The following SAMD4A variants were observed in gnomAD, a reference collection of about 807,000 sequenced individuals.
The protein encoded by SAMD4A is protein Smaug homolog 1.
In SAMD4A, 33 loss-of-function variants were observed where a neutral mutation model predicts 81.3. That is an observed-to-expected ratio of 0.41 (90% CI 0.31 to 0.54). The LOEUF is 0.54. Ranked by LOEUF, SAMD4A falls within the 20% of genes least tolerant of loss-of-function variation. The pLI is 0.37. For synonymous variants in SAMD4A, 389 were observed against 382.1 expected (o/e 1.02, Z -0.21); for missense variants, 854 against 951.1 (o/e 0.90, Z 1.34).
intron 2 of SAMD4A, among the ~76,000 whole-genome samples, chr14:54,582,147 T>C (rs1160976303): frequency 6.6e-6 from 1 of 152,226 alleles, no homozygotes; most frequent in African/African-American, 2.4e-5. Flanking sequence ...GATTCTGATA[T>C]TAAGCTGCTG....
chr14:54,591,454 A>G (rs891788958), intron 2 of SAMD4A, among the ~76,000 whole-genome samples: 4 of 152,202 alleles, frequency 2.6e-5, no homozygotes, highest in Admixed American at 2.0e-4. Context: ...ATTGGTAGTC[A>G]TCAGAGCCTA....
chr14:54,680,952 C>G (rs1200871793), intron 2 of SAMD4A, among the ~76,000 whole-genome samples: 1 of 152,170 alleles, frequency 6.6e-6, no homozygotes, highest in East Asian at 1.9e-4. Context: ...TTCTGTATTG[C>G]TTTGGAGACA....
chr14:54,568,612 CAG>C (rs1057427625), intron 2 of SAMD4A, among the ~76,000 whole-genome samples: 18 of 148,616 alleles, frequency 1.2e-4, no homozygotes, highest in African/African-American at 4.5e-4. Context: ...TTTTTCCCCA[CAG>C]ATATTCTGGT....
In SAMD4A at chr14:54,619,233, T is replaced by C. The variant is rs933670721; in HGVS notation, c.196+51121T>C. Reference sequence around the variant, plus strand: ...CAAAATCAGTTTCTTAATTCAGATATGGTTGTTATCAAGACTTTGAAAATG... The same window carrying C: ...CAAAATCAGTTTCTTAATTCAGATACGGTTGTTATCAAGACTTTGAAAATG... On this transcript the variant is annotated intron_variant, in intron 2 of 12. Coordinates refer to ENST00000554335, the MANE Select transcript of SAMD4A (RefSeq NM_015589.6). 8.5e-5 allele frequency among the ~76,000 whole-genome samples: 13 copies of C among 152,364 alleles called. No individual in the cohort carries two copies. The East Asian group carries it at 2.3e-3, about 27-fold the overall frequency.
chr14:54,696,386 A>G (rs1193894650), intron 2 of SAMD4A, among the ~76,000 whole-genome samples: 1 of 152,232 alleles, frequency 6.6e-6, no homozygotes. Flanking sequence ...ACATTCTTCC[A>G]AGGAGTCTTT....
At chr14:54,618,180 C>G (rs566196985) in intron 2 of SAMD4A, among the ~76,000 whole-genome samples, 175 of 152,300 alleles carry the variant, frequency 1.1e-3, no homozygotes, top group African/African-American at 3.9e-3. Flanking sequence ...TATGGTATTG[C>G]TGATGTACTT....
intron 2 of SAMD4A, among the ~76,000 whole-genome samples, chr14:54,643,253 A>G (rs1413491551): frequency 1.3e-5 from 2 of 152,184 alleles, no homozygotes; most frequent in East Asian, 1.9e-4. Context: ...CACCTTTCCA[A>G]ATGGTCTTCC....
chr14:54,632,891 A>G (rs904378571), intron 2 of SAMD4A, among the ~76,000 whole-genome samples: 8 of 152,252 alleles, frequency 5.3e-5, no homozygotes, highest in African/African-American at 1.4e-4. Flanking sequence ...GTCACTATGT[A>G]TAGTAATTTA....
intron 2 of SAMD4A, among the ~76,000 whole-genome samples, chr14:54,597,344 G>A (rs531786048): frequency 2.6e-5 from 4 of 151,258 alleles, no homozygotes; most frequent in Admixed American, 6.6e-5. Flanking sequence ...GCATGATCTC[G>A]GCTCACCACA....
intron 2 of SAMD4A, among the ~76,000 whole-genome samples, chr14:54,652,513 G>T (rs2035426291): frequency 6.6e-6 from 1 of 152,134 alleles, no homozygotes; most frequent in African/African-American, 2.4e-5. Context: ...TTCCTTCTCT[G>T]CAGTAACATT....
At chr14:54,724,134 A>G (rs533660749) in intron 3 of SAMD4A, among the ~76,000 whole-genome samples, 2 of 152,268 alleles carry the variant, frequency 1.3e-5, no homozygotes, top group South Asian at 4.1e-4. Context: ...TATTGTAACT[A>G]TTTTCCAGAT....
At chr14:54,687,188 A>G in intron 2 of SAMD4A, 1 of 357,906 alleles carries the variant, frequency 2.8e-6, no homozygotes, top group Non-Finnish European at 5.5e-6. Context: ...TTTTTAGATT[A>G]TCTTCCATTT....
intron 11 of SAMD4A, among the ~76,000 whole-genome samples, chr14:54,783,154 CT>C (rs1305180443): frequency 3.1e-5 from 4 of 129,334 alleles, no homozygotes; most frequent in African/African-American, 1.3e-4. Context: ...TGTCACAAAA[CT>C]TTAAAAAAAA....
chr14:54,583,590 T>C (rs2033535658), intron 2 of SAMD4A, among the ~76,000 whole-genome samples: 1 of 152,252 alleles, frequency 6.6e-6, no homozygotes, highest in South Asian at 2.1e-4. Context: ...TTCTTTGAGC[T>C]GATTTGAGCT....
intron 6 of SAMD4A, 132 bp from the exon 7 acceptor site, chr14:54,760,029 C>T: frequency 1.2e-6 from 1 of 868,946 alleles, no homozygotes; most frequent in Non-Finnish European, 1.8e-6. Flanking sequence ...GGTCCCTTTT[C>T]CCAAAAACGT....
In SAMD4A at chr14:54,776,501, C is replaced by A; in HGVS notation, c.2005C>A (p.His669Asn). Reference sequence around the variant, plus strand: ...CCAGAGGACCCGCTCGCTGCCCGTGCACACTTCCCCACAGAACATGCTGAT... The same window carrying A: ...CCAGAGGACCCGCTCGCTGCCCGTGAACACTTCCCCACAGAACATGCTGAT... ...SVQRTRSLPV[H>N]TSPQNMLMFQ... Residue 669 changes from histidine to asparagine, a missense_variant, in exon 11 of 13, where the codon CAC becomes AAC. His to Asn is a moderately conservative substitution (Grantham distance 68). This residue lies in a region of SAMD4A where 428 missense variants were observed against 471.2 expected (regional missense o/e 0.91). Coordinates refer to ENST00000554335, the MANE Select transcript of SAMD4A (RefSeq NM_015589.6). 1 of 1,592,186 alleles carries A rather than the reference C, an allele frequency of 6.3e-7. No homozygotes were observed. The highest frequency in any genetic ancestry group is 1.7e-4 in the Middle Eastern group (1 of 6,020).
intron 2 of SAMD4A, among the ~76,000 whole-genome samples, chr14:54,598,883 T>C (rs906114313): frequency 2.6e-5 from 4 of 151,812 alleles, no homozygotes; most frequent in Non-Finnish European, 5.9e-5. Flanking sequence ...TACAGTGGTG[T>C]GATTTCAGCT....
chr14:54,748,528 G>A lies in SAMD4A; in HGVS notation c.980-287G>A, dbSNP rs976258962. On this transcript the variant is annotated intron_variant, in intron 4 of 12. Coordinates refer to ENST00000554335, the MANE Select transcript of SAMD4A (RefSeq NM_015589.6). ...AAAACTCCCCATCTACTCACAAATTGGGATATAATTTTAGGGGATTTCTGA... is the reference window on the plus strand; with the variant it reads ...AAAACTCCCCATCTACTCACAAATTAGGATATAATTTTAGGGGATTTCTGA... 5.3e-5 allele frequency among the ~76,000 whole-genome samples: 8 copies of A among 152,064 alleles called. No homozygotes were observed. The East Asian group carries it at 5.8e-4, about 11-fold the overall frequency.
intron 3 of SAMD4A, among the ~76,000 whole-genome samples, chr14:54,729,868 T>G (rs4898848): frequency 0.35 from 53,883 of 151,954 alleles, 9,876 homozygotes; most frequent in African/African-American, 0.42. Flanking sequence ...TGGATGAAAT[T>G]TACTGATTTC....
Sources: allele counts gnomAD v4.1 joint callset (sites outside exome capture counted in the v4.1 genomes callset), GRCh38; gene constraint gnomAD v4.1.1; regional missense constraint gnomAD v4.1.1; transcripts MANE v1.5; gene names NCBI Gene and HGNC (gene_info 2026-07-23, HGNC 2026-07-21).